CYP4V2: variants seen among roughly 807,000 people sequenced by gnomAD.
The protein encoded by CYP4V2 is cytochrome P450 family 4 subfamily V member 2, also known as cytochrome P450 4V2.
CYP4V2 carries 55 observed loss-of-function variants against 60.8 expected under a neutral mutation model. The ratio of observed to expected loss-of-function variants is 0.90; its 90% CI spans 0.73 to 1.13. The LOEUF (loss-of-function observed/expected upper bound fraction) is 1.13, where lower values mean the gene tolerates loss of function less well. CYP4V2 is among the 50% of genes most tolerant of loss of function. The pLI is 0.00. For missense variants in CYP4V2, 675 were observed against 662.9 expected (o/e 1.02, Z -0.20); for synonymous variants, 239 against 236.8 (o/e 1.01, Z -0.08).
chr4:186,195,936 T>C lies in CYP4V2; in HGVS notation c.328-67T>C. 8.8e-7 allele frequency: 1 copy of C among 1,135,714 alleles called. No individual in the cohort carries two copies. Among genetic ancestry groups the C allele is most frequent in the East Asian group, 2.4e-5 (1 of 42,508 alleles). The allele number at this position is 1,135,714 out of a possible 1,614,324, so 70.4% of individuals were successfully genotyped here. On this transcript the variant is annotated intron_variant, in intron 2 of 10. Coordinates refer to ENST00000378802, the MANE Select transcript of CYP4V2 (RefSeq NM_207352.4). This position sits in a 1 kb window ranked among gnomAD's most constrained non-coding sequence, Gnocchi z 4.1. ...AAAACTAGCTGTATTCTAGCCAGTA[T>C]TCCTATAATTACAGGAAGGTTGTTT...
At chr4:186,200,470 C>T (rs1736274520) in intron 6 of CYP4V2, among the ~76,000 whole-genome samples, 1 of 152,012 alleles carries the variant, frequency 6.6e-6, no homozygotes, top group Non-Finnish European at 1.5e-5. Context: ...GAGAAAGATG[C>T]TAAATAATAA....
chr4:186,201,492 A>C, intron 7 of CYP4V2, 150 bp downstream of exon 7: 1 of 946,414 alleles, frequency 1.1e-6, no homozygotes, highest in Non-Finnish European at 1.5e-6. Flanking sequence ...AAATTTAAGA[A>C]ACTGATTAAG....
In CYP4V2 at chr4:186,208,860, A is replaced by T; in HGVS notation, c.1091-5A>T. The T allele has an allele frequency of 6.2e-7, 1 of 1,614,190 alleles. No individual in the cohort carries two copies. The highest frequency in any genetic ancestry group is 1.1e-5 in the South Asian group (1 of 91,078). On this transcript the variant is annotated splice_polypyrimidine_tract_variant and splice_region_variant and intron_variant, in intron 8 of 10. Transcript: ENST00000378802. ...CAGGTCATCTTATCTACTTGCTTTC[A>T]TCAGGGAAGTCTGACCGTCCCGCTA...
chr4:186,209,959 G>A (rs1213738667), intron 10 of CYP4V2, among the ~76,000 whole-genome samples: 2 of 152,150 alleles, frequency 1.3e-5, no homozygotes, highest in African/African-American at 4.8e-5. Flanking sequence ...TTGCTTTTAA[G>A]AATTTCATTT....
At chr4:186,192,206 C>T (rs1437805466) in intron 1 of CYP4V2, 169 bp downstream of exon 1, 5 of 845,592 alleles carry the variant, frequency 5.9e-6, no homozygotes, top group Non-Finnish European at 9.7e-6. Context: ...CACCCGCCGA[C>T]ACTGCTAGTG....
At chr4:186,210,387 C>A in intron 10 of CYP4V2, 82 bp from the exon 11 acceptor site, 1 of 1,577,344 alleles carries the variant, frequency 6.3e-7, no homozygotes, top group Non-Finnish European at 8.7e-7. Flanking sequence ...TAAAGTGGCT[C>A]GCTTCCTATG....
At position 186,196,117 on chromosome 4, in the gene CYP4V2, C is replaced by G. The variant is rs369170322; in HGVS notation, c.413+29C>G. The G allele has an allele frequency of 1.5e-5, 24 of 1,571,354 alleles. No homozygotes were observed. The African/African-American group carries it at 3.0e-4, about 19-fold the overall frequency. On this transcript the variant is annotated intron_variant, in intron 3 of 10. Transcript: ENST00000378802. ...TGCCAGTGTACCTTTGTAAAGCTGT[C>G]TATAGAAATGGTTACTTCTACGTGC...
At chr4:186,192,763 C>G (rs1352675757) in intron 1 of CYP4V2, among the ~76,000 whole-genome samples, 45 of 152,166 alleles carry the variant, frequency 3.0e-4, no homozygotes, top group Non-Finnish European at 1.5e-5. Context: ...GGAGGGCGAA[C>G]TCGATCTCAG....
In CYP4V2 at chr4:186,212,563, G is replaced by A. The variant is rs185743702; in HGVS notation, c.*1922G>A. 6.6e-6 allele frequency: 1 copy of A among 152,230 alleles called. No homozygotes were observed. Among genetic ancestry groups the A allele is most frequent in the East Asian group, 1.9e-4 (1 of 5,174 alleles). The allele number at this position is 152,230 out of a possible 1,614,324, so 9.4% of individuals were successfully genotyped here. ...TCACAATTACCTTTATATATCATAT[G>A]TTATTGGAAGAGATTCCTCAGTAAT... On this transcript the variant is annotated 3_prime_UTR_variant, in exon 11 of 11. Coordinates refer to ENST00000378802, the MANE Select transcript of CYP4V2 (RefSeq NM_207352.4).
rs1193775310 is a variant in CYP4V2 at position 186,196,031 on chromosome 4, A to T, written c.356A>T (p.Asp119Val). The T allele has an allele frequency of 1.9e-6, 3 of 1,613,952 alleles. No individual in the cohort carries two copies. Among genetic ancestry groups the T allele is most frequent in the Non-Finnish European group, 2.5e-6 (3 of 1,179,934 alleles). ...ATTTTAACTAGTTCAAAGCAAATTG[A>T]CAAATCCTCTATGTACAAGTTTTTA... ...EVILTSSKQI[D>V]KSSMYKFLEP... Residue 119 changes from aspartate (D) to valine (V), a missense_variant, in exon 3 of 11, where the codon GAC becomes GTC. Asp to Val is a radical substitution (Grantham distance 152). Transcript: ENST00000378802.
rs537212729 is a variant in CYP4V2 at position 186,206,858 on chromosome 4, A to C, written c.1090+1556A>C. On this transcript the variant is annotated intron_variant, in intron 8 of 10. Transcript: ENST00000378802. ...TTTTTGTCATCATTTTATCTTTTTA[A>C]CACTGATTTTAGTTTTGCTTAGATT... 5.3e-5 allele frequency among the ~76,000 whole-genome samples: 8 copies of C among 152,276 alleles called. No individual in the cohort carries two copies. In the East Asian group the frequency reaches 1.3e-3, roughly 26 times the overall value.
intron 1 of CYP4V2, among the ~76,000 whole-genome samples, chr4:186,193,000 AG>A (rs1331709535): frequency 6.6e-6 from 1 of 152,228 alleles, no homozygotes; most frequent in African/African-American, 2.4e-5. Flanking sequence ...CAACTTCACA[AG>A]ATGAGGCCTC....
At chr4:186,194,143 G>A (rs1054364479) in intron 1 of CYP4V2, among the ~76,000 whole-genome samples, 1 of 152,170 alleles carries the variant, frequency 6.6e-6, no homozygotes. Context: ...GTGAAGTTCT[G>A]GAGTCTCGCT....
chr4:186,205,251 T>C lies in CYP4V2; in HGVS notation c.1039T>C (p.Ser347Pro), dbSNP rs1216160461. 1.2e-6 allele frequency: 2 copies of C among 1,614,242 alleles called. No individual in the cohort carries two copies. Among genetic ancestry groups the C allele is most frequent in the Admixed American group, 3.3e-5 (2 of 60,026 alleles). The change falls in exon 8 of 11, where the codon TCT (serine) becomes CCT (proline). Residue 347 changes from serine to proline, a missense_variant. Coordinates refer to ENST00000378802, the MANE Select transcript of CYP4V2 (RefSeq NM_207352.4). ...AINWSLYLLG[S>P]NPEVQKKVDH... ...AAACTGGTCCTTATACCTGTTGGGT[T>C]CTAACCCAGAAGTCCAGAAAAAAGT...
intron 7 of CYP4V2, chr4:186,204,291 CGCTG>C (rs1736418157): frequency 6.5e-6 from 1 of 153,124 alleles, no homozygotes; most frequent in Non-Finnish European, 1.4e-5. Flanking sequence ...GGAGACGCTA[CGCTG>C]GCGTAAGAGG....
chr4:186,194,421 T>G, intron 1 of CYP4V2, 79 bp from the exon 2 acceptor site: 1 of 1,249,494 alleles, frequency 8.0e-7, no homozygotes. Context: ...TTCATCAAAA[T>G]GAGAAAACAA....
chr4:186,205,620 G>A (rs1238658084), intron 8 of CYP4V2, among the ~76,000 whole-genome samples: 1 of 152,228 alleles, frequency 6.6e-6, no homozygotes, highest in South Asian at 2.1e-4. Flanking sequence ...GAGAAAGGAG[G>A]AGCTGGTGAA....
In CYP4V2 at chr4:186,208,976, G is replaced by A. The variant is rs777857814; in HGVS notation, c.1202G>A (p.Ser401Asn). The change falls in exon 9 of 11, where the codon AGT (serine) becomes AAT (asparagine). Residue 401 changes from serine (S) to asparagine (N), a missense_variant. Transcript: ENST00000378802. ...LFPSVPLFAR[S>N]VSEDCEVAGY... ...CCTTCTGTTCCTTTATTTGCCCGTA[G>A]TGTTAGTGAAGATTGTGAAGTGGGT... 8 of 1,614,070 alleles carry A rather than the reference G, an allele frequency of 5.0e-6. No individual in the cohort carries two copies. In the South Asian group the frequency reaches 7.7e-5, roughly 16 times the overall value.
intron 1 of CYP4V2, among the ~76,000 whole-genome samples, chr4:186,194,195 T>A (rs1443574821): frequency 1.3e-5 from 2 of 152,242 alleles, no homozygotes; most frequent in Non-Finnish European, 2.9e-5. Context: ...TCTGTGATAC[T>A]GGGCAGTCGT....
Sources: allele counts gnomAD v4.1 joint callset (sites outside exome capture counted in the v4.1 genomes callset), GRCh38; gene constraint gnomAD v4.1.1; non-coding constraint Gnocchi (gnomAD v3.1); transcripts MANE v1.5; gene names NCBI Gene and HGNC (gene_info 2026-07-23, HGNC 2026-07-21).